Variants in PRDM16 observed in about 807,000 individuals in gnomAD.
The protein encoded by PRDM16 is histone-lysine N-methyltransferase PRDM16.
Under a neutral mutation model 110.6 loss-of-function variants are expected in PRDM16, and 23 were observed. That is an observed-to-expected ratio of 0.21 (90% CI 0.15 to 0.29). The LOEUF (loss-of-function observed/expected upper bound fraction) is 0.29. Ranked by LOEUF, PRDM16 falls within the 10% of genes least tolerant of loss-of-function variation. PRDM16 has a pLI of 1.00. For synonymous variants in PRDM16, 799 were observed against 781.8 expected, an observed-to-expected ratio of 1.02 and a Z score of -0.37; for missense variants, 1,615 against 1,794.3, an observed-to-expected ratio of 0.90 and a Z score of 1.81.
rs1643754710 is a variant in PRDM16, at chr1:3,414,903, A to G, written c.2691+256A>G. ...TCTCTGACCCCTGGCTCTGGGCTCC[A>G]GGAGGGAGAAGGAGCTTCACTGGAG... On this transcript the variant is annotated intron_variant, in intron 10 of 16. Transcript: ENST00000270722. Among the ~76,000 whole-genome samples the G allele has an allele frequency of 3.9e-5, 6 of 152,312 alleles. No homozygotes were observed. The South Asian group carries it at 1.2e-3, about 32-fold the overall frequency.
Position 3,143,773 on chromosome 1 carries a change from G to A in PRDM16, c.38-42352G>A, listed in dbSNP as rs1037877803. Reference sequence around the variant, plus strand: ...ATCACAGGCTTGAGCCACCGCGTCCGGCTTATTCTTTTTTTCTAAATAGTG... The same window carrying A: ...ATCACAGGCTTGAGCCACCGCGTCCAGCTTATTCTTTTTTTCTAAATAGTG... On this transcript the variant is annotated intron_variant, in intron 1 of 16. Coordinates refer to ENST00000270722, the MANE Select transcript of PRDM16 (RefSeq NM_022114.4). This position sits in a 1 kb window ranked among gnomAD's most constrained non-coding sequence, Gnocchi z 4.5. Among the ~76,000 whole-genome samples the A allele has an allele frequency of 1.3e-4, 20 of 152,284 alleles. No individual in the cohort carries two copies. The highest frequency in any genetic ancestry group is 5.8e-4 in the East Asian group (3 of 5,184).
intron 3 of PRDM16, among the ~76,000 whole-genome samples, chr1:3,280,339 A>G (rs1367542870): frequency 2.6e-5 from 4 of 152,210 alleles, no homozygotes; most frequent in African/African-American, 9.6e-5. Flanking sequence ...GTCTCAGGGG[A>G]CATGTCTTCA....
intron 8 of PRDM16, among the ~76,000 whole-genome samples, chr1:3,410,374 A>C (rs1164596449): frequency 6.6e-6 from 1 of 152,136 alleles, no homozygotes; most frequent in Non-Finnish European, 1.5e-5. Flanking sequence ...AGAGCCGGGC[A>C]CTGCCGCTTC....
chr1:3,289,420 C>T (rs1277000939), intron 3 of PRDM16, among the ~76,000 whole-genome samples: 1 of 152,250 alleles, frequency 6.6e-6, no homozygotes, highest in African/African-American at 2.4e-5. Context: ...TCACAAGTAC[C>T]TGCCTGCAGC....
chr1:3,092,769 G>A (rs1257797784), intron 1 of PRDM16, among the ~76,000 whole-genome samples: 1 of 152,144 alleles, frequency 6.6e-6, no homozygotes, highest in African/African-American at 2.4e-5. Flanking sequence ...TCTCCCGGCA[G>A]CTCTAGGGTG....
At chr1:3,142,234 C>T (rs755435721) in intron 1 of PRDM16, among the ~76,000 whole-genome samples, 8 of 152,270 alleles carry the variant, frequency 5.3e-5, no homozygotes, top group Non-Finnish European at 1.0e-4. Flanking sequence ...CCAGCCAAGA[C>T]CTTTTGATTT....
In PRDM16 at chr1:3,326,621, T is replaced by C. The variant is rs147341143; in HGVS notation, c.439-58531T>C. Among the ~76,000 whole-genome samples the C allele has an allele frequency of 6.3e-3, 963 of 152,230 alleles. 9 individuals are homozygous for C. The highest frequency in any genetic ancestry group is 0.021 in the African/African-American group (880 of 41,550). ...CCGCCCGCACCCAGCCCTATGCCCA[T>C]TTTCATGAGTGCACCACCTCCCTGA... is the stretch of plus-strand genomic sequence containing the variant. On this transcript the variant is annotated intron_variant, in intron 3 of 16. Transcript: ENST00000270722.
chr1:3,247,587 C>T (rs968566642), intron 3 of PRDM16, among the ~76,000 whole-genome samples: 1 of 152,256 alleles, frequency 6.6e-6, no homozygotes, highest in African/African-American at 2.4e-5. Context: ...TGCGCCCCTT[C>T]AGCTTCGCCC....
At chr1:3,161,199 C>T (rs1643894066) in intron 1 of PRDM16, among the ~76,000 whole-genome samples, 1 of 152,186 alleles carries the variant, frequency 6.6e-6, no homozygotes, top group Non-Finnish European at 1.5e-5. Context: ...GCAGAACAGG[C>T]AGTTTTCAAA....
rs1158617612 is a variant in PRDM16, at chr1:3,216,093, G to C, written c.388-27994G>C. ...CAAGTGTATGATGCTCTTTGTCTCT[G>C]TCTCTGTCTCTTGTTTGGGATTAAT... On this transcript the variant is annotated intron_variant, in intron 2 of 16. Transcript: ENST00000270722. Among the ~76,000 whole-genome samples, 3 of 152,124 alleles carry C rather than the reference G, an allele frequency of 2.0e-5. No individual in the cohort carries two copies. The East Asian group carries it at 5.8e-4, about 29-fold the overall frequency.
intron 2 of PRDM16, among the ~76,000 whole-genome samples, chr1:3,217,753 C>T (rs1050361117): frequency 6.6e-6 from 1 of 152,146 alleles, no homozygotes; most frequent in African/African-American, 2.4e-5. Context: ...TCTTGAGAAA[C>T]TCAGCCCAGT....
intron 3 of PRDM16, among the ~76,000 whole-genome samples, chr1:3,355,761 G>A (rs1232750577): frequency 6.6e-6 from 1 of 152,192 alleles, no homozygotes; most frequent in Non-Finnish European, 1.5e-5. Flanking sequence ...CCGTTCAGGG[G>A]TTGCGGTCCA....
At chr1:3,275,910 C>T (rs1640572304) in intron 3 of PRDM16, among the ~76,000 whole-genome samples, 2 of 152,228 alleles carry the variant, frequency 1.3e-5, no homozygotes, top group Admixed American at 6.5e-5. Flanking sequence ...ATTCACATTG[C>T]GGCCAAGACC....
intron 3 of PRDM16, chr1:3,307,455 T>G (rs537567624): frequency 6.6e-6 from 1 of 152,286 alleles, no homozygotes; most frequent in Admixed American, 6.5e-5. Context: ...CTCTTAGATG[T>G]TTCAGTTTCA....
Position 3,412,033 on chromosome 1 carries a change from G to C in PRDM16, c.1836G>C (p.Gly612=). The C allele has an allele frequency of 6.2e-7, 1 of 1,612,902 alleles. No homozygotes were observed. The highest frequency in any genetic ancestry group is 8.5e-7 in the Non-Finnish European group (1 of 1,179,600). The stretch of plus-strand genomic sequence containing the variant: ...TTGAGGACGTCAACACCACCACGGG[G>C]ACCGACCTGGACACGACCACGGGGA... ...SDFEDVNTTT[G]TDLDTTTGTG... The change falls in exon 9 of 17, where the codon GGG becomes GGC. Residue 612 remains glycine (G), a synonymous_variant. Transcript: ENST00000270722.
At chr1:3,304,982 A>G (rs1570031088) in intron 3 of PRDM16, among the ~76,000 whole-genome samples, 1 of 152,152 alleles carries the variant, frequency 6.6e-6, no homozygotes, top group African/African-American at 2.4e-5. Context: ...GAAGCTGGAC[A>G]GTGCTCTGCC....
chr1:3,182,123 G>A (rs1358260885), intron 1 of PRDM16, among the ~76,000 whole-genome samples: 1 of 152,262 alleles, frequency 6.6e-6, no homozygotes, highest in African/African-American at 2.4e-5. Flanking sequence ...TTCCTGCCCA[G>A]TGGGGCCTGC....
chr1:3,367,185 C>T (rs1642831062), intron 3 of PRDM16, among the ~76,000 whole-genome samples: 2 of 152,070 alleles, frequency 1.3e-5, no homozygotes, highest in South Asian at 4.2e-4. Context: ...AGGAGAATCT[C>T]TTGAACCCGG....
chr1:3,217,887 G>A (rs1639068567), intron 2 of PRDM16, among the ~76,000 whole-genome samples: 1 of 152,232 alleles, frequency 6.6e-6, no homozygotes, highest in Admixed American at 6.5e-5. Context: ...CCCACACGAG[G>A]TTTTGGGGTG....
Sources: allele counts gnomAD v4.1 joint callset (sites outside exome capture counted in the v4.1 genomes callset), GRCh38; gene constraint gnomAD v4.1.1; non-coding constraint Gnocchi (gnomAD v3.1); transcripts MANE v1.5; gene names NCBI Gene and HGNC (gene_info 2026-07-23, HGNC 2026-07-21).